TMEM68: variants seen among roughly 807,000 people sequenced by gnomAD.
TMEM68 encodes the protein transmembrane protein 68.
Under a neutral mutation model 36.9 loss-of-function variants are expected in TMEM68, and 25 were observed. That is an observed-to-expected ratio of 0.68 (90% CI 0.49 to 0.95). The LOEUF (loss-of-function observed/expected upper bound fraction) is 0.95. TMEM68 is among the 40% of genes least tolerant of loss of function. TMEM68 has a pLI of 0.00. For synonymous variants in TMEM68, 131 were observed against 124.4 expected (o/e 1.05, Z -0.35); for missense variants, 333 against 392.0 (o/e 0.85, Z 1.27).
At chr8:55,771,792 T>C (rs1316163480) in intron 1 of TMEM68, among the ~76,000 whole-genome samples, 1 of 152,256 alleles carries the variant, frequency 6.6e-6, no homozygotes, top group Non-Finnish European at 1.5e-5. Context: ...TATTTAATAA[T>C]GGTTTAACAG....
intron 7 of TMEM68, 147 bp downstream of exon 7, chr8:55,743,334 A>G: frequency 9.6e-7 from 1 of 1,043,284 alleles, no homozygotes; most frequent in Non-Finnish European, 1.3e-6. Flanking sequence ...GGATTAGCAA[A>G]TGTTCCCTAG....
intron 3 of TMEM68, 98 bp downstream of exon 3, chr8:55,762,537 T>C (rs1810828018): frequency 2.9e-5 from 46 of 1,571,860 alleles, no homozygotes; most frequent in Non-Finnish European, 3.7e-5. Flanking sequence ...TTCTATTATA[T>C]TTTTCAGTAT....
At chr8:55,759,816 T>C (rs1810728242) in intron 3 of TMEM68, among the ~76,000 whole-genome samples, 1 of 152,212 alleles carries the variant, frequency 6.6e-6, no homozygotes, top group Non-Finnish European at 1.5e-5. Context: ...TACAATCTTA[T>C]TACATGTGGG....
chr8:55,756,202 T>A, intron 4 of TMEM68, 42 bp downstream of exon 4: 1 of 1,555,186 alleles, frequency 6.4e-7, no homozygotes, highest in Non-Finnish European at 8.7e-7. Context: ...TTGGTTTTGT[T>A]AATAAAACAT....
intron 7 of TMEM68, among the ~76,000 whole-genome samples, chr8:55,742,842 A>G (rs865987643): frequency 6.6e-6 from 1 of 151,246 alleles, no homozygotes; most frequent in African/African-American, 2.4e-5. Flanking sequence ...CTCTGAAAGT[A>G]TAATTATGAG....
chr8:55,760,009 A>G (rs1180694446), intron 3 of TMEM68, among the ~76,000 whole-genome samples: 1 of 152,224 alleles, frequency 6.6e-6, no homozygotes, highest in East Asian at 1.9e-4. Context: ...AAGGTGGTGG[A>G]CCTGGAGAAG....
intron 3 of TMEM68, among the ~76,000 whole-genome samples, chr8:55,757,913 C>T (rs1315271657): frequency 1.3e-5 from 2 of 152,072 alleles, no homozygotes; most frequent in South Asian, 4.1e-4. Flanking sequence ...CACCCCTAAG[C>T]CCCAGGAATA....
intron 3 of TMEM68, among the ~76,000 whole-genome samples, chr8:55,758,640 G>A (rs1186621601): frequency 6.6e-6 from 1 of 151,920 alleles, no homozygotes; most frequent in African/African-American, 2.4e-5. Context: ...ACCCACCTCT[G>A]CAAAAATGTA....
At chr8:55,767,872 G>A (rs899910421) in intron 1 of TMEM68, among the ~76,000 whole-genome samples, 1 of 152,080 alleles carries the variant, frequency 6.6e-6, no homozygotes, top group African/African-American at 2.4e-5. Context: ...GGGAGGCGGA[G>A]GTGCAGTGAG....
At chr8:55,744,566 C>T (rs1309560525) in intron 6 of TMEM68, among the ~76,000 whole-genome samples, 1 of 151,934 alleles carries the variant, frequency 6.6e-6, no homozygotes, top group Non-Finnish European at 1.5e-5. Flanking sequence ...CTCGGCCTCC[C>T]AAAGTGCTAG....
intron 4 of TMEM68, among the ~76,000 whole-genome samples, chr8:55,753,231 C>A (rs1223940289): frequency 6.6e-6 from 1 of 151,860 alleles, no homozygotes; most frequent in Non-Finnish European, 1.5e-5. Context: ...GTAGAAGCAA[C>A]CTAATGCTCC....
intron 4 of TMEM68, among the ~76,000 whole-genome samples, chr8:55,755,125 C>G (rs1224797476): frequency 2.0e-5 from 3 of 150,282 alleles, no homozygotes; most frequent in Non-Finnish European, 4.4e-5. Context: ...ATAGCAAGAC[C>G]CCATATCTAA....
intron 1 of TMEM68, among the ~76,000 whole-genome samples, chr8:55,769,018 T>TTCAAAAAAAAAAAAAAA (rs1554556017): frequency 1.2e-5 from 1 of 82,094 alleles, no homozygotes. Flanking sequence ...ACTCTGTCTT[T>TTCAAAAAAAAAAAAAAA]AAAAAAAAAA....
intron 1 of TMEM68, among the ~76,000 whole-genome samples, chr8:55,764,725 T>G (rs563861039): frequency 3.3e-5 from 5 of 152,144 alleles, no homozygotes; most frequent in Non-Finnish European, 7.3e-5. Context: ...TAGCAAACAT[T>G]GAGCCCACAA....
chr8:55,769,142 T>C (rs1012033695), intron 1 of TMEM68, among the ~76,000 whole-genome samples: 4 of 149,202 alleles, frequency 2.7e-5, no homozygotes. Flanking sequence ...CTGGCCAACA[T>C]GGTAATGCCG....
Position 55,762,835 on chromosome 8 carries a change from T to A in TMEM68, c.125A>T (p.Asn42Ile). Residue 42 changes from asparagine to isoleucine, a missense_variant, in exon 3 of 8, where the codon AAC becomes ATC. Transcript: ENST00000434581. ...EQLEDYLNFA[N>I]YLLWVFTPLI... ...TGGTGTAAAAACCCACAAGAGATAGTTTGCAAAATTCAAATAGTCCTCCAA... is the reference window on the plus strand; with the variant it reads ...TGGTGTAAAAACCCACAAGAGATAGATTGCAAAATTCAAATAGTCCTCCAA... 2 of 1,614,112 alleles carry A rather than the reference T, an allele frequency of 1.2e-6. No homozygotes were observed. Among genetic ancestry groups the A allele is most frequent in the Non-Finnish European group, 8.5e-7 (1 of 1,180,012 alleles).
At chr8:55,746,977 A>G (rs762801898) in intron 5 of TMEM68, 1 of 152,252 alleles carries the variant, frequency 6.6e-6, no homozygotes, top group Non-Finnish European at 1.5e-5. Context: ...TTCTAAATGA[A>G]TTAATTTGTA....
intron 5 of TMEM68, 50 bp downstream of exon 5, chr8:55,750,909 ATTTAT>A: frequency 6.4e-7 from 1 of 1,552,002 alleles, no homozygotes; most frequent in Non-Finnish European, 8.7e-7. Context: ...TTACTTAACC[ATTTAT>A]TTTAAATTTG....
At chr8:55,768,305 G>A (rs1169643627) in intron 1 of TMEM68, among the ~76,000 whole-genome samples, 1 of 152,146 alleles carries the variant, frequency 6.6e-6, no homozygotes, top group East Asian at 1.9e-4. Flanking sequence ...GAATGAATGG[G>A]AGAAAATGAA....
Sources: gnomAD v4.1 joint callset for allele counts (sites outside exome capture counted in the v4.1 genomes callset) on GRCh38, gnomAD v4.1.1 for gene constraint, MANE v1.5 for transcripts, NCBI Gene and HGNC (gene_info 2026-07-23, HGNC 2026-07-21) for gene names.